Variants in LRRC3 observed in about 807,000 individuals in gnomAD.
LRRC3 encodes the protein leucine-rich repeat-containing protein 3.
For missense variants in LRRC3, 351 were observed against 361.6 expected (o/e 0.97, Z 0.24); for synonymous variants, 172 against 164.1 (o/e 1.05, Z -0.37).
At chr21:44,455,832 C>T (rs915968427) in intron 1 of LRRC3, among the ~76,000 whole-genome samples, 177 bp downstream of exon 1, 2 of 151,960 alleles carry the variant, frequency 1.3e-5, no homozygotes, top group Admixed American at 1.3e-4. Flanking sequence ...CGCGCGGCCC[C>T]GCCGTCCACG....
intron 1 of LRRC3, among the ~76,000 whole-genome samples, chr21:44,456,267 C>A (rs1423294372): frequency 6.6e-6 from 1 of 152,202 alleles, no homozygotes; most frequent in East Asian, 1.9e-4. Flanking sequence ...TGCGGAGCCC[C>A]CTGGCAGTGC....
chr21:44,457,107 G>T lies in LRRC3; in HGVS notation c.463G>T (p.Glu155Ter), dbSNP rs1452932620. The change falls in exon 2 of 2, where the codon GAG becomes TAG. Residue 155 changes from glutamate (E) to a stop codon, truncating the protein, a stop_gained. Coordinates refer to ENST00000291592, the MANE Select transcript of LRRC3 (RefSeq NM_030891.6). LOFTEE classifies it low-confidence loss of function (END_TRUNC). ...NPLHCECALQ[E>*]ALWELKLDPD... The stretch of plus-strand genomic sequence containing the variant: ...CCTGCACTGCGAGTGCGCCCTGCAG[G>T]AGGCCCTGTGGGAGCTGAAGCTGGA... The T allele has an allele frequency of 1.2e-6, 2 of 1,611,758 alleles. No individual in the cohort carries two copies. Among genetic ancestry groups the T allele is most frequent in the African/African-American group, 2.7e-5 (2 of 74,948 alleles).
In LRRC3 at chr21:44,457,442, C is replaced by A. The variant is rs772368879; in HGVS notation, c.*24C>A. ...AGCGCCTGTTCCGGCAGACCCCCGC[C>A]GGTGGCTGCTGTCACTTTTGTAGTA... On this transcript the variant is annotated 3_prime_UTR_variant, in exon 2 of 2. Coordinates refer to ENST00000291592, the MANE Select transcript of LRRC3 (RefSeq NM_030891.6). 6.5e-7 allele frequency: 1 copy of A among 1,544,638 alleles called. No individual in the cohort carries two copies. The highest frequency in any genetic ancestry group is 8.7e-7 in the Non-Finnish European group (1 of 1,143,868).
chr21:44,456,603 C>T lies in LRRC3; in HGVS notation c.-42C>T. On this transcript the variant is annotated 5_prime_UTR_variant, in exon 2 of 2. Transcript: ENST00000291592. ...CGGAAACCAGCTCCATCCCCAGGCC[C>T]TAGCAGAGGCTCGCGTGTCCCCGTC... is the stretch of plus-strand genomic sequence containing the variant. The T allele has an allele frequency of 6.5e-7, 1 of 1,538,872 alleles. No homozygotes were observed. Among genetic ancestry groups the T allele is most frequent in the African/African-American group, 1.4e-5 (1 of 73,514 alleles).
In LRRC3 at chr21:44,461,926, G is replaced by A. The variant is rs1048369439; in HGVS notation, c.*4508G>A. ...GGCAGGTCCCCTCATGGAGGATGTGGGGGATTGGCTTAGGCCTGGTCTGGC... is the reference window on the plus strand; with the variant it reads ...GGCAGGTCCCCTCATGGAGGATGTGAGGGATTGGCTTAGGCCTGGTCTGGC... On this transcript the variant is annotated 3_prime_UTR_variant, in exon 2 of 2. Coordinates refer to ENST00000291592, the MANE Select transcript of LRRC3 (RefSeq NM_030891.6). 1 of 152,514 alleles carries A rather than the reference G, an allele frequency of 6.6e-6. No homozygotes were observed. Among genetic ancestry groups the A allele is most frequent in the Non-Finnish European group, 1.5e-5 (1 of 68,258 alleles). The allele number at this position is 152,514 out of a possible 1,614,324, so 9.4% of individuals were successfully genotyped here.
chr21:44,456,898 A>AGCACCT lies in LRRC3; in HGVS notation c.260_265dup (p.Leu87_His88dup). On this transcript the variant is annotated inframe_insertion, in exon 2 of 2. Coordinates refer to ENST00000291592, the MANE Select transcript of LRRC3 (RefSeq NM_030891.6). ...TCCCACCTCCCGGACGGGGCCTTCCAGCACCTGCACCGGCTCAGGGAGCTG... is the reference window on the plus strand; with the variant it reads ...TCCCACCTCCCGGACGGGGCCTTCCAGCACCTGCACCTGCACCGGCTCAGGGAGCTG... 1 of 1,610,830 alleles carries AGCACCT rather than the reference A, an allele frequency of 6.2e-7. No homozygotes were observed. The highest frequency in any genetic ancestry group is 1.1e-5 in the South Asian group (1 of 90,972).
chr21:44,457,058 C>T lies in LRRC3; in HGVS notation c.414C>T (p.Ala138=), dbSNP rs770282238. The T allele has an allele frequency of 5.0e-6, 8 of 1,607,200 alleles. 1 individual carries two copies. The South Asian group carries it at 8.8e-5, about 18-fold the overall frequency. ...IPKDALGKLS[A]KIRLSHNPLH... Reference sequence around the variant, plus strand: ...AGGACGCCCTGGGCAAACTCAGCGCCAAGATACGCCTGTCCCACAACCCCC... The same window carrying T: ...AGGACGCCCTGGGCAAACTCAGCGCTAAGATACGCCTGTCCCACAACCCCC... The change falls in exon 2 of 2, where the codon GCC becomes GCT. Residue 138 remains alanine, a synonymous_variant. Coordinates refer to ENST00000291592, the MANE Select transcript of LRRC3 (RefSeq NM_030891.6).
In LRRC3 at chr21:44,457,442, C is replaced by T. The variant is rs772368879; in HGVS notation, c.*24C>T. On this transcript the variant is annotated 3_prime_UTR_variant, in exon 2 of 2. Coordinates refer to ENST00000291592, the MANE Select transcript of LRRC3 (RefSeq NM_030891.6). Reference sequence around the variant, plus strand: ...AGCGCCTGTTCCGGCAGACCCCCGCCGGTGGCTGCTGTCACTTTTGTAGTA... The same window carrying T: ...AGCGCCTGTTCCGGCAGACCCCCGCTGGTGGCTGCTGTCACTTTTGTAGTA... 17 of 1,544,520 alleles carry T rather than the reference C, an allele frequency of 1.1e-5. No homozygotes were observed. Among genetic ancestry groups the T allele is most frequent in the African/African-American group, 5.5e-5 (4 of 72,794 alleles).
rs1195212920 is a variant in LRRC3, at chr21:44,457,397, C to T, written c.753C>T (p.Asp251=). 1.9e-6 allele frequency: 3 copies of T among 1,592,934 alleles called. No homozygotes were observed. Among genetic ancestry groups the T allele is most frequent in the African/African-American group, 2.7e-5 (2 of 74,578 alleles). Residue 251 remains aspartate, a synonymous_variant, in exon 2 of 2, where the codon GAC becomes GAT. Coordinates refer to ENST00000291592, the MANE Select transcript of LRRC3 (RefSeq NM_030891.6). ...KSLPSAPASK[D]PIGPGP is the part of the protein sequence containing the mutation. Reference sequence around the variant, plus strand: ...TGCCCAGCGCCCCCGCCTCCAAGGACCCCATCGGCCCGGGGCCCTAGCGCC... The same window carrying T: ...TGCCCAGCGCCCCCGCCTCCAAGGATCCCATCGGCCCGGGGCCCTAGCGCC...
chr21:44,456,418 C>T (rs1355220345), intron 1 of LRRC3, 80 bp from the exon 2 acceptor site: 5 of 568,562 alleles, frequency 8.8e-6, no homozygotes, highest in African/African-American at 1.9e-5. Flanking sequence ...CACCAGTGGA[C>T]GCGTTTCCCA....
rs4818925 is a variant in LRRC3 at position 44,459,383 on chromosome 21, A to G, written c.*1965A>G. 0.85 allele frequency: 129,233 copies of G among 152,430 alleles called. 54,891 individuals are homozygous for G. The highest frequency in any genetic ancestry group is 0.93 in the East Asian group (4,822 of 5,170). 9.4% of individuals were successfully genotyped at this position (152,430 alleles called of 1,614,324 possible). ...CTGAAAGCATAGGATAAGGATGTAT[A>G]GGTGAATGACTGGTGCCATCCCTGG... On this transcript the variant is annotated 3_prime_UTR_variant, in exon 2 of 2. Coordinates refer to ENST00000291592, the MANE Select transcript of LRRC3 (RefSeq NM_030891.6).
chr21:44,456,734 C>A lies in LRRC3; in HGVS notation c.90C>A (p.Gly30=), dbSNP rs749506974. 1.9e-6 allele frequency: 3 copies of A among 1,609,576 alleles called. No individual in the cohort carries two copies. The African/African-American group carries it at 4.0e-5, about 21-fold the overall frequency. ...TCCTCCTCTTCTGCCTGCACCTGGG[C>A]GCCGCCTGCCCACAGCCCTGCCGGT... The part of the protein sequence containing the change: ...CLFLLFCLHL[G]AACPQPCRCP... Residue 30 remains glycine, a synonymous_variant, in exon 2 of 2, where the codon GGC becomes GGA. Transcript: ENST00000291592.
At chr21:44,456,084 T>G (rs1204465371) in intron 1 of LRRC3, among the ~76,000 whole-genome samples, 1 of 152,146 alleles carries the variant, frequency 6.6e-6, no homozygotes, top group African/African-American at 2.4e-5. Context: ...GTGCCCAGCT[T>G]GACCCGCGCT....
Position 44,456,881 on chromosome 21 carries a change from C to T in LRRC3, c.237C>T (p.Leu79=), listed in dbSNP as rs2051706029. 3.1e-6 allele frequency: 5 copies of T among 1,609,900 alleles called. No individual in the cohort carries two copies. Among genetic ancestry groups the T allele is most frequent in the Admixed American group, 1.7e-5 (1 of 59,890 alleles). The change falls in exon 2 of 2, where the codon CTC becomes CTT. Residue 79 remains leucine, a synonymous_variant. Transcript: ENST00000291592. Reference sequence around the variant, plus strand: ...TCGATGCCAACAAGATCTCCCACCTCCCGGACGGGGCCTTCCAGCACCTGC... The same window carrying T: ...TCGATGCCAACAAGATCTCCCACCTTCCGGACGGGGCCTTCCAGCACCTGC... ...LKLDANKISH[L]PDGAFQHLHR... is the part of the protein sequence containing the mutation.
At position 44,457,035 on chromosome 21, in the gene LRRC3, G is replaced by A. The variant is rs781360869; in HGVS notation, c.391G>A (p.Asp131Asn). ...CAACCGCATCCAGAGGATCCCCAAG[G>A]ACGCCCTGGGCAAACTCAGCGCCAA... ...SYNRIQRIPK[D>N]ALGKLSAKIR... Residue 131 changes from aspartate (D) to asparagine (N), a missense_variant, in exon 2 of 2, where the codon GAC becomes AAC. Coordinates refer to ENST00000291592, the MANE Select transcript of LRRC3 (RefSeq NM_030891.6). 6.2e-7 allele frequency: 1 copy of A among 1,605,970 alleles called. No individual in the cohort carries two copies. Among genetic ancestry groups the A allele is most frequent in the Non-Finnish European group, 8.5e-7 (1 of 1,179,254 alleles).
rs1033117410 is a variant in LRRC3, at chr21:44,457,586, C to G, written c.*168C>G. On this transcript the variant is annotated 3_prime_UTR_variant, in exon 2 of 2. Transcript: ENST00000291592. Reference sequence around the variant, plus strand: ...AGGCTGGGTGGTTTTGCCACACATCCGTGTGACGGATGAGGAACCTGAAGC... The same window carrying G: ...AGGCTGGGTGGTTTTGCCACACATCGGTGTGACGGATGAGGAACCTGAAGC... The G allele has an allele frequency of 2.9e-6, 2 of 692,816 alleles. No homozygotes were observed. The highest frequency in any genetic ancestry group is 4.8e-6 in the Non-Finnish European group (2 of 419,298). The allele number at this position is 692,816 out of a possible 1,614,324, so 42.9% of individuals were successfully genotyped here. A position where few individuals can be genotyped will look rare whatever the true frequency, so the allele number is the denominator to read the frequency against.
Position 44,459,564 on chromosome 21 carries a change from G to A in LRRC3, c.*2146G>A, listed in dbSNP as rs1449573038. 1 of 152,324 alleles carries A rather than the reference G, an allele frequency of 6.6e-6. No individual in the cohort carries two copies. Among genetic ancestry groups the A allele is most frequent in the Non-Finnish European group, 1.5e-5 (1 of 68,120 alleles). The allele number at this position is 152,324 out of a possible 1,614,324, so 9.4% of individuals were successfully genotyped here. A position where few individuals can be genotyped will look rare whatever the true frequency, so the allele number is the denominator to read the frequency against. On this transcript the variant is annotated 3_prime_UTR_variant, in exon 2 of 2. Transcript: ENST00000291592. ...CACGCATGACCCCAGGTCCCAAGGA[G>A]AGTGTGAACTGAGGCCTGGGTGGTG...
In LRRC3 at chr21:44,456,771, G is replaced by T. The variant is rs763600748; in HGVS notation, c.127G>T (p.Ala43Ser). 2 of 1,610,844 alleles carry T rather than the reference G, an allele frequency of 1.2e-6. No homozygotes were observed. Among genetic ancestry groups the T allele is most frequent in the Non-Finnish European group, 1.7e-6 (2 of 1,179,878 alleles). Residue 43 changes from alanine to serine, a missense_variant, in exon 2 of 2, where the codon GCA (alanine) becomes TCA (serine). Coordinates refer to ENST00000291592, the MANE Select transcript of LRRC3 (RefSeq NM_030891.6). ...CPQPCRCPDH[A>S]GAVAVFCSLR... ...ACAGCCCTGCCGGTGCCCTGACCAC[G>T]CAGGGGCTGTGGCTGTCTTCTGCAG... is the stretch of plus-strand genomic sequence containing the variant.
rs144515231 is a variant in LRRC3, at chr21:44,457,302, G to A, written c.658G>A (p.Ala220Thr). ...TMFGWFAMVI[A>T]YVVYYVRHNQ... Reference sequence around the variant, plus strand: ...GTTCGGCTGGTTCGCCATGGTGATCGCCTACGTCGTGTACTATGTGCGCCA... The same window carrying A: ...GTTCGGCTGGTTCGCCATGGTGATCACCTACGTCGTGTACTATGTGCGCCA... Residue 220 changes from alanine to threonine, a missense_variant, in exon 2 of 2, where the codon GCC (alanine) becomes ACC (threonine). By Grantham distance (58) the Ala-to-Thr change is moderately conservative. Transcript: ENST00000291592. 160 of 1,613,692 alleles carry A rather than the reference G, an allele frequency of 9.9e-5. 3 individuals carry two copies. The highest frequency in any genetic ancestry group is 8.7e-4 in the Admixed American group (52 of 60,026).
Sources: allele counts gnomAD v4.1 joint callset (sites outside exome capture counted in the v4.1 genomes callset), GRCh38; gene constraint gnomAD v4.1.1; transcripts MANE v1.5; gene names NCBI Gene and HGNC (gene_info 2026-07-23, HGNC 2026-07-21).